The following PDE4D variants were observed in gnomAD, a reference collection of about 807,000 sequenced individuals.
PDE4D encodes the protein 3',5'-cyclic-AMP phosphodiesterase 4D.
Under a neutral mutation model 87.4 loss-of-function variants are expected in PDE4D, and 24 were observed. The ratio of observed to expected loss-of-function variants is 0.27; its 90% CI spans 0.20 to 0.39. The LOEUF (loss-of-function observed/expected upper bound fraction) is 0.39, where lower values mean the gene tolerates loss of function less well. Ranked by LOEUF, PDE4D falls within the 10% of genes least tolerant of loss-of-function variation. The probability of loss-of-function intolerance (pLI) is 1.00; values close to 1 mark genes in which losing one functional copy is unlikely to be tolerated. For synonymous variants in PDE4D, 384 were observed against 383.2 expected, an observed-to-expected ratio of 1.00 and a Z score of -0.02; for missense variants, 714 against 1,041.0, an observed-to-expected ratio of 0.69 and a Z score of 4.32.
intron 1 of PDE4D, among the ~76,000 whole-genome samples, chr5:60,482,874 AT>A (rs1748842604): frequency 6.6e-6 from 1 of 152,200 alleles, no homozygotes; most frequent in Admixed American, 6.5e-5. Context: ...ATTAAATATC[AT>A]GTTTGTAGAT....
At position 60,216,711 on chromosome 5, in the gene PDE4D, A is replaced by C. The variant is rs76186017; in HGVS notation, c.-89-31024T>G. ...CAAGAGACAAAGAAAGACATATTAC[A>C]TATTAGTAACAGTTTCAGTACATCA... On this transcript the variant is annotated intron_variant, in intron 1 of 16. Transcript: ENST00000502484. Among the ~76,000 whole-genome samples, 161 of 152,276 alleles carry C rather than the reference A, an allele frequency of 1.1e-3. 3 individuals are homozygous for C. The highest frequency in any genetic ancestry group is 0.01 in the East Asian group (54 of 5,182).
At chr5:59,542,312 T>C (rs7733296) in intron 1 of PDE4D, among the ~76,000 whole-genome samples, 32,144 of 152,060 alleles carry the variant, frequency 0.21, 4,593 homozygotes, top group African/African-American at 0.41. Context: ...TAATAATGAC[T>C]GGTCATGCAG....
chr5:59,268,425 A>G (rs913596165), intron 1 of PDE4D, among the ~76,000 whole-genome samples: 2 of 152,064 alleles, frequency 1.3e-5, no homozygotes, highest in African/African-American at 2.4e-5. Flanking sequence ...TTAGTTAGTT[A>G]CCTGTACACA....
rs535797245 is a variant in PDE4D at position 58,994,584 on chromosome 5, T to C, written c.922-1119A>G. ...TTCACCATAAATTCTCATTTAAGTATGAAGGTAAGTGTTGAATGTATATTT... is the reference window on the plus strand; with the variant it reads ...TTCACCATAAATTCTCATTTAAGTACGAAGGTAAGTGTTGAATGTATATTT... On this transcript the variant is annotated intron_variant, in intron 6 of 14. Coordinates refer to ENST00000340635, the MANE Select transcript of PDE4D (RefSeq NM_001104631.2). Among the ~76,000 whole-genome samples, 9 of 152,300 alleles carry C rather than the reference T, an allele frequency of 5.9e-5. 1 individual carries two copies. The Middle Eastern group carries it at 0.02, about 345-fold the overall frequency.
chr5:59,600,854 T>C (rs1324136971), intron 1 of PDE4D, among the ~76,000 whole-genome samples: 1 of 152,184 alleles, frequency 6.6e-6, no homozygotes, highest in Non-Finnish European at 1.5e-5. Flanking sequence ...TATGCTCAAT[T>C]TGTGGACCCA....
At chr5:59,469,056 G>A (rs892647953) in intron 1 of PDE4D, among the ~76,000 whole-genome samples, 10 of 152,136 alleles carry the variant, frequency 6.6e-5, no homozygotes, top group African/African-American at 1.9e-4. Context: ...GGCCAGGTGC[G>A]GTGGCTCATG....
chr5:59,470,489 A>C (rs1802277292), intron 1 of PDE4D, among the ~76,000 whole-genome samples: 1 of 152,188 alleles, frequency 6.6e-6, no homozygotes. Flanking sequence ...AAAATACCAT[A>C]ATTTCATCAG....
chr5:59,207,845 T>C (rs1479518018), intron 2 of PDE4D, among the ~76,000 whole-genome samples: 2 of 150,792 alleles, frequency 1.3e-5, no homozygotes, highest in Non-Finnish European at 3.0e-5. Flanking sequence ...AAAACTCACA[T>C]GATTTTTAGA....
At chr5:60,328,708 A>G (rs1458366089) in intron 1 of PDE4D, among the ~76,000 whole-genome samples, 5 of 152,212 alleles carry the variant, frequency 3.3e-5, no homozygotes, top group Admixed American at 3.3e-4. Context: ...ATAGGTAAGC[A>G]TATGTTCTGT....
intron 1 of PDE4D, among the ~76,000 whole-genome samples, chr5:60,283,229 C>G (rs556586919): frequency 1.3e-5 from 2 of 152,196 alleles, no homozygotes; most frequent in South Asian, 4.1e-4. Flanking sequence ...TGCATTATCT[C>G]CCTCTTCTAT....
rs1761674954 is a variant in PDE4D at position 59,259,890 on chromosome 5, T to C, written c.456-43922A>G. On this transcript the variant is annotated intron_variant, in intron 1 of 14. Transcript: ENST00000340635. ...TGCAAATAATAATTTCTTCTCTCCG[T>C]CGGTCTGAATGAATTTATTCAGGAT... Among the ~76,000 whole-genome samples the C allele has an allele frequency of 3.3e-5, 5 of 151,906 alleles. No individual in the cohort carries two copies. In the South Asian group the frequency reaches 1.0e-3, roughly 31 times the overall value.
chr5:59,754,395 C>T (rs1252463457), intron 1 of PDE4D, among the ~76,000 whole-genome samples: 1 of 152,114 alleles, frequency 6.6e-6, no homozygotes, highest in Non-Finnish European at 1.5e-5. Flanking sequence ...CTTACAAAGT[C>T]GACTTTCTGG....
intron 1 of PDE4D, among the ~76,000 whole-genome samples, chr5:59,515,363 C>A (rs114972546): frequency 1.1e-3 from 163 of 152,308 alleles, no homozygotes; most frequent in African/African-American, 3.6e-3. Context: ...TGACCTACCA[C>A]TGAACCAAGA....
chr5:60,460,567 A>C, intron 1 of PDE4D: 1 of 1,331,970 alleles, frequency 7.5e-7, no homozygotes. Flanking sequence ...TTCTTCATTA[A>C]GTCTGTCTAT....
At chr5:60,283,781 A>T (rs964642878) in intron 1 of PDE4D, among the ~76,000 whole-genome samples, 6 of 152,050 alleles carry the variant, frequency 3.9e-5, no homozygotes, top group African/African-American at 1.4e-4. Context: ...AGGTGGCCAT[A>T]CTCTTTGATA....
chr5:60,190,913 C>A (rs1489262833), intron 1 of PDE4D, among the ~76,000 whole-genome samples: 8 of 152,164 alleles, frequency 5.3e-5, no homozygotes, highest in Non-Finnish European at 1.5e-5. Context: ...CTGTGATTTG[C>A]ATGCTTAATT....
At chr5:59,065,103 CACACACACACACACACACACATAT>C (rs1763722361) in intron 5 of PDE4D, among the ~76,000 whole-genome samples, 1 of 125,044 alleles carries the variant, frequency 8.0e-6, no homozygotes, top group African/African-American at 2.7e-5. Flanking sequence ...CACACACACA[CACACACACACACACACACACATAT>C]ACAATGAAAT....
chr5:60,379,630 C>T (rs1329674040), intron 1 of PDE4D, among the ~76,000 whole-genome samples: 1 of 152,162 alleles, frequency 6.6e-6, no homozygotes, highest in East Asian at 1.9e-4. Context: ...CAATAATGTC[C>T]ATGCATATGA....
intron 1 of PDE4D, among the ~76,000 whole-genome samples, chr5:59,611,666 G>C (rs987038707): frequency 1.3e-5 from 2 of 152,130 alleles, no homozygotes; most frequent in African/African-American, 4.8e-5. Context: ...TTTGTGGATT[G>C]ATCAAATCAG....
Sources: gnomAD v4.1 joint callset for allele counts (sites outside exome capture counted in the v4.1 genomes callset) on GRCh38, gnomAD v4.1.1 for gene constraint, MANE v1.5 for transcripts, NCBI Gene and HGNC (gene_info 2026-07-23, HGNC 2026-07-21) for gene names.